The following MTMR10 variants were observed in gnomAD, a reference collection of about 807,000 sequenced individuals.
MTMR10 encodes the protein myotubularin related protein 10, also known as myotubularin-related protein 10.
A neutral mutation model predicts 88.1 loss-of-function variants in MTMR10; 56 were observed. The ratio of observed to expected loss-of-function variants is 0.64; its 90% CI spans 0.51 to 0.79. MTMR10 has a LOEUF of 0.79. Among genes scored for constraint, MTMR10 ranks in the 30% least tolerant of loss-of-function variants. The pLI, the probability that MTMR10 is intolerant of heterozygous loss-of-function variation, is 0.00. For synonymous variants in MTMR10, 380 were observed against 340.9 expected (o/e 1.11, Z -1.26); for missense variants, 883 against 924.7 (o/e 0.95, Z 0.58).
In MTMR10 at chr15:30,940,948, A is replaced by C; in HGVS notation, c.*522T>G. On this transcript the variant is annotated 3_prime_UTR_variant, in exon 16 of 16. Coordinates refer to ENST00000435680, the MANE Select transcript of MTMR10 (RefSeq NM_017762.3). ...AACACAGTGATCTAAGGTTCCAAAG[A>C]AGGTGATCTAAAATCATAAATTCTG... 2 of 1,090,912 alleles carry C rather than the reference A, an allele frequency of 1.8e-6. No individual in the cohort carries two copies. The highest frequency in any genetic ancestry group is 2.2e-6 in the Non-Finnish European group (2 of 891,614). 67.6% of individuals were successfully genotyped at this position (1,090,912 alleles called of 1,614,324 possible). A position where few individuals can be genotyped will look rare whatever the true frequency, so the allele number is the denominator to read the frequency against.
chr15:30,935,684 T>C (rs1448717875), downstream of MTMR10, among the ~76,000 whole-genome samples: 1 of 152,208 alleles, frequency 6.6e-6, no homozygotes, highest in African/African-American at 2.4e-5. Flanking sequence ...GGGATGGCTG[T>C]ATTTAGGTTT....
chr15:30,987,079 AG>A (rs1357424717), intron 2 of MTMR10, among the ~76,000 whole-genome samples: 1 of 152,248 alleles, frequency 6.6e-6, no homozygotes, highest in East Asian at 1.9e-4. Context: ...ACATAATGAG[AG>A]GAAGATAAAG....
At chr15:30,943,785 T>G (rs1254485154) in intron 14 of MTMR10, 1 of 985,348 alleles carries the variant, frequency 1.0e-6, no homozygotes. Flanking sequence ...CACCGCATTG[T>G]GAGGAAGACA....
the MTMR10 span, among the ~76,000 whole-genome samples, chr15:30,921,145 G>C: frequency 6.6e-6 from 1 of 152,172 alleles, no homozygotes; most frequent in East Asian, 1.9e-4. Context: ...CTGTCTCTTG[G>C]ATTAGTAGAG....
rs758227018 is a variant in MTMR10, at chr15:30,941,609, G to A, written c.2195C>T (p.Pro732Leu). 34 of 1,600,800 alleles carry A rather than the reference G, an allele frequency of 2.1e-5. No individual in the cohort carries two copies. The highest frequency in any genetic ancestry group is 2.7e-5 in the African/African-American group (2 of 74,674). The change falls in exon 16 of 16, where the codon CCG becomes CTG. Residue 732 changes from proline (P) to leucine (L), a missense_variant. Pro to Leu is a moderately conservative substitution (Grantham distance 98). Transcript: ENST00000435680. ...TGGAAATGAGGAGGAGAGAAACTCC[G>A]GTGTCCCCGAGGTGTCGGTGTGGTG... ...GPHHTDTSGT[P>L]EFLSSSFPFS... is the part of the protein sequence containing the mutation.
chr15:30,970,320 T>C (rs1339640962), intron 5 of MTMR10, among the ~76,000 whole-genome samples: 2 of 151,962 alleles, frequency 1.3e-5, no homozygotes, highest in Non-Finnish European at 2.9e-5. Context: ...GAAAGTTAGA[T>C]AACTATGAAT....
intron 2 of MTMR10, among the ~76,000 whole-genome samples, chr15:30,987,906 G>T (rs1426694802): frequency 3.4e-5 from 5 of 145,374 alleles, no homozygotes; most frequent in Non-Finnish European, 3.0e-5. Flanking sequence ...GGTGTGTGAT[G>T]TTCCCCTCCC....
intron 6 of MTMR10, among the ~76,000 whole-genome samples, chr15:30,961,527 C>T (rs1208108000): frequency 2.0e-5 from 3 of 152,200 alleles, no homozygotes; most frequent in Non-Finnish European, 2.9e-5. Flanking sequence ...AGGCATGAGC[C>T]ACCACGCCTG....
In MTMR10 at chr15:30,941,004, G is replaced by C; in HGVS notation, c.*466C>G. The C allele has an allele frequency of 8.6e-7, 1 of 1,165,798 alleles. No homozygotes were observed. Among genetic ancestry groups the C allele is most frequent in the Non-Finnish European group, 1.1e-6 (1 of 932,038 alleles). The allele number at this position is 1,165,798 out of a possible 1,614,324, so 72.2% of individuals were successfully genotyped here. ...AGAACACTGAACCTTCATCAGGTGAGTTCAATTAGAGACGACAGAAAGTAA... is the reference window on the plus strand; with the variant it reads ...AGAACACTGAACCTTCATCAGGTGACTTCAATTAGAGACGACAGAAAGTAA... On this transcript the variant is annotated 3_prime_UTR_variant, in exon 16 of 16. Transcript: ENST00000435680.
chr15:30,967,049 TAAC>T (rs2063481371), intron 6 of MTMR10, among the ~76,000 whole-genome samples: 1 of 152,082 alleles, frequency 6.6e-6, no homozygotes. Context: ...TGTTTCGTGG[TAAC>T]AAAATATAAA....
intron 10 of MTMR10, among the ~76,000 whole-genome samples, chr15:30,954,467 G>C (rs2063293773): frequency 6.6e-6 from 1 of 152,102 alleles, no homozygotes; most frequent in Non-Finnish European, 1.5e-5. Flanking sequence ...TTGTCTGTAA[G>C]GTAATACAGT....
At chr15:30,982,361 C>T (rs549944072) in intron 2 of MTMR10, among the ~76,000 whole-genome samples, 3 of 152,130 alleles carry the variant, frequency 2.0e-5, no homozygotes, top group Admixed American at 6.5e-5. Flanking sequence ...TTAACATTAG[C>T]GGAAGCTGGC....
At position 30,940,113 on chromosome 15, in the gene MTMR10, A is replaced by T. The variant is rs2062989032; in HGVS notation, c.*1357T>A. Reference sequence around the variant, plus strand: ...ACACTTTACTATAAAAATTTTCCATATCTTAGGATGGCAGTTTAAGAAACA... The same window carrying T: ...ACACTTTACTATAAAAATTTTCCATTTCTTAGGATGGCAGTTTAAGAAACA... On this transcript the variant is annotated 3_prime_UTR_variant, in exon 16 of 16. Coordinates refer to ENST00000435680, the MANE Select transcript of MTMR10 (RefSeq NM_017762.3). 1 of 985,238 alleles carries T rather than the reference A, an allele frequency of 1.0e-6. No homozygotes were observed. The allele number at this position is 985,238 out of a possible 1,614,324, so 61.0% of individuals were successfully genotyped here.
intron 2 of MTMR10, among the ~76,000 whole-genome samples, chr15:30,988,310 C>G (rs142179096): frequency 6.6e-6 from 1 of 152,180 alleles, no homozygotes; most frequent in Non-Finnish European, 1.5e-5. Context: ...AATTCAGGAC[C>G]GGCTAAATGT....
At chr15:30,921,063 C>T in the MTMR10 span, among the ~76,000 whole-genome samples, 4 of 152,190 alleles carry the variant, frequency 2.6e-5, no homozygotes, top group Non-Finnish European at 4.4e-5. Flanking sequence ...CAGTGGGGGC[C>T]TAAAGTGTTG....
In MTMR10 at chr15:30,939,372, C is replaced by T. The variant is rs2062961815; in HGVS notation, c.*2098G>A. On this transcript the variant is annotated 3_prime_UTR_variant, in exon 16 of 16. Coordinates refer to ENST00000435680, the MANE Select transcript of MTMR10 (RefSeq NM_017762.3). ...GGGGTGCTGAGCTCTCTCTAGTGCG[C>T]CCTGTGCAGCCACACCACTGCTGTC... is the stretch of plus-strand genomic sequence containing the variant. 1.1e-5 allele frequency: 11 copies of T among 985,354 alleles called. No homozygotes were observed. Among genetic ancestry groups the T allele is most frequent in the Non-Finnish European group, 1.3e-5 (11 of 829,956 alleles). The allele number at this position is 985,354 out of a possible 1,614,324, so 61.0% of individuals were successfully genotyped here.
intron 6 of MTMR10, among the ~76,000 whole-genome samples, chr15:30,964,599 C>T (rs2063450770): frequency 6.6e-6 from 1 of 152,116 alleles, no homozygotes; most frequent in South Asian, 2.1e-4. Flanking sequence ...GTTTTATAGT[C>T]CAGAAATTTG....
Position 30,954,844 on chromosome 15 carries a change from T to G in MTMR10, c.985A>C (p.Lys329Gln). 1 of 1,581,228 alleles carries G rather than the reference T, an allele frequency of 6.3e-7. No homozygotes were observed. Reference sequence around the variant, plus strand: ...GGCAAGGTCTTATCCAAATCTGATTTGTAAACATCACTTCTCTGTGGGTGA... The same window carrying G: ...GGCAAGGTCTTATCCAAATCTGATTGGTAAACATCACTTCTCTGTGGGTGA... ...KSHPQRSDVYKSDLDKTLPNI... is the reference protein window; with the variant it reads ...KSHPQRSDVYQSDLDKTLPNI... The change falls in exon 10 of 16, where the codon AAA becomes CAA. Residue 329 changes from lysine to glutamine, a missense_variant. Lys to Gln is a moderately conservative substitution (Grantham distance 53). Transcript: ENST00000435680.
At chr15:30,930,173 C>T in the MTMR10 span, among the ~76,000 whole-genome samples, 1 of 151,516 alleles carries the variant, frequency 6.6e-6, no homozygotes, top group Non-Finnish European at 1.5e-5. Context: ...CTTTCTTTTG[C>T]TTGCCCTGTG....
Sources: gnomAD v4.1 joint callset for allele counts (sites outside exome capture counted in the v4.1 genomes callset) on GRCh38, gnomAD v4.1.1 for gene constraint, MANE v1.5 for transcripts, NCBI Gene and HGNC (gene_info 2026-07-23, HGNC 2026-07-21) for gene names.